Variants in CDC123 observed in about 807,000 individuals in gnomAD.
CDC123 encodes cell division cycle 123.
Under a neutral mutation model 54.4 loss-of-function variants are expected in CDC123, and 37 were observed. That is an observed-to-expected ratio of 0.68 (90% confidence interval 0.52 to 0.89). The LOEUF is 0.89. CDC123 is among the 40% of genes least tolerant of loss of function. CDC123 has a pLI of 0.00. For synonymous variants in CDC123, 144 were observed against 136.8 expected, an observed-to-expected ratio of 1.05 and a Z score of -0.37; for missense variants, 361 against 412.1, an observed-to-expected ratio of 0.88 and a Z score of 1.07.
At chr10:12,224,291 C>CT (rs536128479) in intron 6 of CDC123, among the ~76,000 whole-genome samples, 133 of 141,034 alleles carry the variant, frequency 9.4e-4, no homozygotes, top group South Asian at 2.0e-3. Context: ...CTTTTCCTTT[C>CT]TTTTTTTTTT....
At chr10:12,243,196 G>C (rs1836083426) in intron 10 of CDC123, among the ~76,000 whole-genome samples, 1 of 150,276 alleles carries the variant, frequency 6.7e-6, no homozygotes, top group Admixed American at 6.6e-5. Context: ...TTTAAGAATT[G>C]GAGACCAGCC....
At chr10:12,198,595 A>G in intron 1 of CDC123, 110 bp from the exon 2 acceptor site, 1 of 695,128 alleles carries the variant, frequency 1.4e-6, no homozygotes. Context: ...AACATTTTCT[A>G]CTTTATATTA....
intron 6 of CDC123, among the ~76,000 whole-genome samples, chr10:12,229,566 C>G (rs1463434038): frequency 2.6e-5 from 4 of 152,238 alleles, no homozygotes; most frequent in Non-Finnish European, 4.4e-5. Context: ...TCCCCTCCGA[C>G]ACACAGCAGC....
intron 4 of CDC123, among the ~76,000 whole-genome samples, chr10:12,215,474 A>C (rs931210132): frequency 6.6e-6 from 1 of 152,190 alleles, no homozygotes; most frequent in African/African-American, 2.4e-5. Context: ...TCACATCCTC[A>C]GAAGCCTAGT....
At chr10:12,229,097 T>C (rs1361626828) in intron 6 of CDC123, among the ~76,000 whole-genome samples, 1 of 152,094 alleles carries the variant, frequency 6.6e-6, no homozygotes, top group African/African-American at 2.4e-5. Flanking sequence ...CCCATTCCCT[T>C]AGTTAGACCC....
chr10:12,239,236 C>T (rs537130753), intron 10 of CDC123, among the ~76,000 whole-genome samples: 1 of 151,956 alleles, frequency 6.6e-6, no homozygotes, highest in South Asian at 2.1e-4. Flanking sequence ...TTAAAATATA[C>T]CTAACATTAG....
At chr10:12,209,359 C>T (rs1307916228) in intron 2 of CDC123, among the ~76,000 whole-genome samples, 1 of 152,090 alleles carries the variant, frequency 6.6e-6, no homozygotes. Context: ...GTGTCAGCTT[C>T]CTGAATAGCT....
intron 6 of CDC123, among the ~76,000 whole-genome samples, chr10:12,225,054 G>C (rs1444335469): frequency 6.6e-6 from 1 of 152,098 alleles, no homozygotes; most frequent in Non-Finnish European, 1.5e-5. Context: ...CTTTTCCCAA[G>C]AACCCCTTAC....
intron 11 of CDC123, chr10:12,246,794 TCA>T (rs997018686): frequency 1.3e-5 from 2 of 153,894 alleles, no homozygotes; most frequent in African/African-American, 4.8e-5. Context: ...TGATTTCTCA[TCA>T]CACCTACAAG....
chr10:12,215,740 G>C lies in CDC123; in HGVS notation c.238G>C (p.Ala80Pro). Residue 80 changes from alanine to proline, a missense_variant and splice_region_variant, in exon 5 of 13, where the codon GCA becomes CCA. Physicochemically the swap from Ala to Pro is conservative, Grantham distance 27. Coordinates refer to ENST00000281141, the MANE Select transcript of CDC123 (RefSeq NM_006023.3). ...SDDENTATLT[A>P]PEFPEFATKV... ...CCAATGATTTCTTCTCTCTCTGTAG[G>C]CACCAGAATTTCCTGAGTTTGCCAC... 6.3e-7 allele frequency: 1 copy of C among 1,599,688 alleles called. No individual in the cohort carries two copies. Among genetic ancestry groups the C allele is most frequent in the Non-Finnish European group, 8.5e-7 (1 of 1,170,362 alleles).
At chr10:12,230,583 C>T (rs567960694) in intron 6 of CDC123, among the ~76,000 whole-genome samples, 3 of 152,204 alleles carry the variant, frequency 2.0e-5, no homozygotes, top group Non-Finnish European at 2.9e-5. Context: ...AACATGTATC[C>T]ATCCTTTGTG....
chr10:12,210,169 T>C, intron 3 of CDC123, 121 bp from the exon 4 acceptor site: 1 of 1,442,450 alleles, frequency 6.9e-7, no homozygotes, highest in Non-Finnish European at 9.5e-7. Flanking sequence ...TTTTCACATA[T>C]GCTGTATTCC....
At chr10:12,226,879 C>CGG (rs1835827000) in intron 6 of CDC123, among the ~76,000 whole-genome samples, 1 of 152,132 alleles carries the variant, frequency 6.6e-6, no homozygotes, top group East Asian at 1.9e-4. Context: ...GCTGCAATCT[C>CGG]GGCACTTTGG....
At chr10:12,201,735 A>G (rs144873670) in intron 2 of CDC123, among the ~76,000 whole-genome samples, 291 of 152,296 alleles carry the variant, frequency 1.9e-3, no homozygotes, top group African/African-American at 6.5e-3. Flanking sequence ...AAGGGCTCTG[A>G]GCAAGAGAAT....
In CDC123 at chr10:12,210,003, T is replaced by C. The variant is rs1588671742; in HGVS notation, c.183T>C (p.Asp61=). The change falls in exon 3 of 13, where the codon GAT becomes GAC. Residue 61 remains aspartate (D), a synonymous_variant. Transcript: ENST00000281141. The part of the protein sequence containing the change: ...DPPTHSQPDS[D]DEAEEIQWSD... ...CAACACATTCTCAGCCAGACAGTGA[T>C]GATGAAGCAGAAGAAATACAGGTTG... 5 of 1,614,216 alleles carry C rather than the reference T, an allele frequency of 3.1e-6. No individual in the cohort carries two copies. The East Asian group carries it at 6.7e-5, about 22-fold the overall frequency.
intron 6 of CDC123, among the ~76,000 whole-genome samples, chr10:12,220,443 C>A (rs1380157000): frequency 2.0e-5 from 3 of 152,250 alleles, no homozygotes; most frequent in Non-Finnish European, 4.4e-5. Context: ...TGTTTACCCA[C>A]AAAATGCCAT....
chr10:12,199,058 G>A (rs1057501567), intron 2 of CDC123, among the ~76,000 whole-genome samples: 1 of 152,140 alleles, frequency 6.6e-6, no homozygotes, highest in African/African-American at 2.4e-5. Context: ...ACGGTAGCAG[G>A]GTGGGGGAAG....
At chr10:12,209,205 G>T (rs934956644) in intron 2 of CDC123, among the ~76,000 whole-genome samples, 6 of 151,956 alleles carry the variant, frequency 3.9e-5, no homozygotes, top group African/African-American at 1.5e-4. Flanking sequence ...GTTTTATTCT[G>T]TCATCTCTTC....
chr10:12,232,416 A>G (rs1296119663), intron 7 of CDC123, among the ~76,000 whole-genome samples: 2 of 152,106 alleles, frequency 1.3e-5, no homozygotes, highest in African/African-American at 2.4e-5. Context: ...ATATGTACAC[A>G]TGCTTTCAAA....
Sources: allele counts gnomAD v4.1 joint callset (sites outside exome capture counted in the v4.1 genomes callset), GRCh38; gene constraint gnomAD v4.1.1; transcripts MANE v1.5; gene names NCBI Gene and HGNC (gene_info 2026-07-23, HGNC 2026-07-21).